The following RBM27 variants were observed in gnomAD, a reference collection of about 807,000 sequenced individuals.
RBM27 encodes RNA-binding protein 27.
Under a neutral mutation model 135.3 loss-of-function variants are expected in RBM27, and 22 were observed. The ratio of observed to expected loss-of-function variants is 0.16; its 90% CI spans 0.12 to 0.23. The LOEUF (loss-of-function observed/expected upper bound fraction) is 0.23, where lower values mean the gene tolerates loss of function less well. Ranked by LOEUF, RBM27 falls within the 10% of genes least tolerant of loss-of-function variation. RBM27 has a pLI of 1.00. For missense variants in RBM27, 1,009 were observed against 1,281.0 expected (o/e 0.79, Z 3.24); for synonymous variants, 481 against 442.4 (o/e 1.09, Z -1.10).
chr5:146,233,445 C>T lies in RBM27; in HGVS notation c.851-5C>T. 3.3e-6 allele frequency: 5 copies of T among 1,519,778 alleles called. No individual in the cohort carries two copies. Among genetic ancestry groups the T allele is most frequent in the Non-Finnish European group, 3.5e-6 (4 of 1,133,892 alleles). The allele number at this position is 1,519,778 out of a possible 1,614,324, so 94.1% of individuals were successfully genotyped here. On this transcript the variant is annotated splice_polypyrimidine_tract_variant and splice_region_variant and intron_variant, in intron 6 of 20. Coordinates refer to ENST00000265271, the MANE Select transcript of RBM27 (RefSeq NM_018989.2). Reference sequence around the variant, plus strand: ...AAGATTCTTTTTTTATTCTTTATTCCACAGAAAGAGGATTTTGTGTACTTG... The same window carrying T: ...AAGATTCTTTTTTTATTCTTTATTCTACAGAAAGAGGATTTTGTGTACTTG...
At chr5:146,277,129 C>A (rs1323258019) in intron 19 of RBM27, among the ~76,000 whole-genome samples, 3 of 152,106 alleles carry the variant, frequency 2.0e-5, no homozygotes, top group Non-Finnish European at 4.4e-5. Flanking sequence ...AATTTTTTCT[C>A]TTAATTTTGA....
In RBM27 at chr5:146,273,358, T is replaced by G. The variant is rs184180435; in HGVS notation, c.2988+1684T>G. Among the ~76,000 whole-genome samples, 328 of 152,316 alleles carry G rather than the reference T, an allele frequency of 2.2e-3. 2 individuals are homozygous for G. Among genetic ancestry groups the G allele is most frequent in the Middle Eastern group, 0.01 (3 of 294 alleles). Reference sequence around the variant, plus strand: ...TAAAGCATCTAAAAATAACCAATTTTTATGTACATATACCTGACAAGTCTG... The same window carrying G: ...TAAAGCATCTAAAAATAACCAATTTGTATGTACATATACCTGACAAGTCTG... On this transcript the variant is annotated intron_variant, in intron 19 of 20. Transcript: ENST00000265271.
intron 19 of RBM27, among the ~76,000 whole-genome samples, chr5:146,279,574 G>A (rs546238054): frequency 1.3e-5 from 2 of 152,010 alleles, no homozygotes; most frequent in Non-Finnish European, 2.9e-5. Flanking sequence ...TTGGGAGGCC[G>A]AGGCGGGTGG....
intron 5 of RBM27, among the ~76,000 whole-genome samples, chr5:146,230,414 G>T (rs1178708478): frequency 6.6e-6 from 1 of 152,112 alleles, no homozygotes; most frequent in Admixed American, 6.6e-5. Flanking sequence ...CTCTTTTTCA[G>T]TTAAGTGTAA....
chr5:146,205,494 A>G (rs976192611), intron 1 of RBM27, among the ~76,000 whole-genome samples: 2 of 152,154 alleles, frequency 1.3e-5, no homozygotes, highest in African/African-American at 4.8e-5. Flanking sequence ...TCTGGGGGAC[A>G]GTGTCAAGCT....
intron 1 of RBM27, among the ~76,000 whole-genome samples, chr5:146,205,984 C>T (rs1405998722): frequency 6.6e-6 from 1 of 152,116 alleles, no homozygotes; most frequent in Non-Finnish European, 1.5e-5. Context: ...CAGGCCACTG[C>T]TCTCCAGCCT....
intron 8 of RBM27, among the ~76,000 whole-genome samples, chr5:146,247,062 C>G (rs1278202762): frequency 6.6e-6 from 1 of 151,552 alleles, no homozygotes; most frequent in Non-Finnish European, 1.5e-5. Flanking sequence ...TGAGGGCTCC[C>G]CATGTTGCCC....
chr5:146,205,512 T>C (rs1383923241), intron 1 of RBM27, among the ~76,000 whole-genome samples: 1 of 152,142 alleles, frequency 6.6e-6, no homozygotes, highest in Non-Finnish European at 1.5e-5. Context: ...GCTACTTCCC[T>C]GTTGATCTCT....
chr5:146,219,496 G>T (rs1048650971), intron 2 of RBM27, among the ~76,000 whole-genome samples: 12 of 152,306 alleles, frequency 7.9e-5, no homozygotes, highest in African/African-American at 2.9e-4. Flanking sequence ...TCCAAGAAGA[G>T]ATGTGTATGA....
At chr5:146,241,228 A>C (rs1481717937) in intron 8 of RBM27, among the ~76,000 whole-genome samples, 5 of 152,200 alleles carry the variant, frequency 3.3e-5, no homozygotes, top group Non-Finnish European at 7.3e-5. Flanking sequence ...GACTCACTCT[A>C]TAAATATTCC....
chr5:146,284,700 A>T lies in RBM27; in HGVS notation c.3067A>T (p.Thr1023Ser), dbSNP rs766618545. ...CAAGCCCAAGGTACCATCTATATCCACTGAGACTGAAGAAGAAGAAGTCAA... is the reference window on the plus strand; with the variant it reads ...CAAGCCCAAGGTACCATCTATATCCTCTGAGACTGAAGAAGAAGAAGTCAA... The part of the protein sequence containing the change: ...WHKPKVPSIS[T>S]ETEEEEVKEE... The change falls in exon 20 of 21, where the codon ACT (threonine) becomes TCT (serine). Residue 1023 changes from threonine to serine, a missense_variant. By Grantham distance (58) the Thr-to-Ser change is moderately conservative (BLOSUM62 1). Transcript: ENST00000265271. 3 of 1,612,244 alleles carry T rather than the reference A, an allele frequency of 1.9e-6. No individual in the cohort carries two copies. The South Asian group carries it at 3.3e-5, about 18-fold the overall frequency.
At chr5:146,220,489 A>ATAT (rs534092920) in intron 2 of RBM27, among the ~76,000 whole-genome samples, 2,077 of 104,614 alleles carry the variant, frequency 0.02, 31 homozygotes, top group Middle Eastern at 0.05. Flanking sequence ...AAAAAAAAAA[A>ATAT]ATATATATAT....
At chr5:146,233,274 A>C (rs1012565393) in intron 6 of RBM27, among the ~76,000 whole-genome samples, 176 bp from the exon 7 acceptor site, 1 of 152,190 alleles carries the variant, frequency 6.6e-6, no homozygotes, top group South Asian at 2.1e-4. Flanking sequence ...TAGAGAGTAC[A>C]TCTGCCTCTA....
chr5:146,221,693 A>G (rs556646350), intron 2 of RBM27, among the ~76,000 whole-genome samples: 3 of 152,300 alleles, frequency 2.0e-5, no homozygotes, highest in East Asian at 3.9e-4. Context: ...CGGCCTCCCA[A>G]AGTGCTGGGA....
At chr5:146,285,050 G>T (rs1759526367) in intron 20 of RBM27, among the ~76,000 whole-genome samples, 1 of 151,898 alleles carries the variant, frequency 6.6e-6, no homozygotes, top group Non-Finnish European at 1.5e-5. Context: ...TTAATTGGTT[G>T]GTTTCACTTT....
At chr5:146,258,368 T>C in intron 10 of RBM27, 81 bp from the exon 11 acceptor site, 2 of 1,123,566 alleles carry the variant, frequency 1.8e-6, no homozygotes, top group Non-Finnish European at 2.4e-6. Context: ...CTATTCATAG[T>C]AGTTTTTAGC....
intron 10 of RBM27, among the ~76,000 whole-genome samples, chr5:146,256,918 G>T (rs978346141): frequency 6.6e-6 from 1 of 151,932 alleles, no homozygotes; most frequent in Non-Finnish European, 1.5e-5. Context: ...AAAGCATTAG[G>T]CAATGTTAGC....
intron 19 of RBM27, among the ~76,000 whole-genome samples, chr5:146,280,203 A>G (rs1357614126): frequency 6.6e-6 from 1 of 151,940 alleles, no homozygotes; most frequent in Non-Finnish European, 1.5e-5. Context: ...GATTATAGGC[A>G]TGCACCACCG....
intron 2 of RBM27, among the ~76,000 whole-genome samples, chr5:146,221,027 C>A (rs1195509163): frequency 6.6e-6 from 1 of 151,680 alleles, no homozygotes; most frequent in Non-Finnish European, 1.5e-5. Flanking sequence ...ACCATCCTGG[C>A]TAACAGGGTG....
Sources: gnomAD v4.1 joint callset for allele counts (sites outside exome capture counted in the v4.1 genomes callset) on GRCh38, gnomAD v4.1.1 for gene constraint, MANE v1.5 for transcripts, NCBI Gene and HGNC (gene_info 2026-07-23, HGNC 2026-07-21) for gene names.